Variants in DCC observed in about 807,000 individuals in gnomAD.
The protein encoded by DCC is DCC netrin 1 receptor, also known as netrin receptor DCC.
Under a neutral mutation model 172.5 loss-of-function variants are expected in DCC, and 58 were observed. That is an observed-to-expected ratio of 0.34 (90% confidence interval 0.27 to 0.42). DCC has a LOEUF of 0.42. DCC is among the 10% of genes least tolerant of loss of function. The probability of loss-of-function intolerance (pLI) is 1.00; values close to 1 mark genes in which losing one functional copy is unlikely to be tolerated. For synonymous variants in DCC, 709 were observed against 644.5 expected, an observed-to-expected ratio of 1.10 and a Z score of -1.52; for missense variants, 1,740 against 1,791.0, an observed-to-expected ratio of 0.97 and a Z score of 0.51.
chr18:53,305,563 C>T lies in DCC; in HGVS notation c.1912-15C>T, dbSNP rs1431195. 152,318 of 1,598,380 alleles carry T rather than the reference C, an allele frequency of 0.095. 9,297 individuals are homozygous for T. The highest frequency in any genetic ancestry group is 0.28 in the African/African-American group (21,192 of 74,408). On this transcript the variant is annotated splice_polypyrimidine_tract_variant and intron_variant, in intron 12 of 28. Transcript: ENST00000442544. ...TCTTTCTTCAATGTTTTAATTTACA[C>T]CTATTATTTTACAGAGTATCAAAGT...
intron 7 of DCC, among the ~76,000 whole-genome samples, chr18:53,077,466 G>A (rs896590263): frequency 6.6e-6 from 1 of 152,046 alleles, no homozygotes; most frequent in Non-Finnish European, 1.5e-5. Context: ...GGAGGTCTGG[G>A]CCCCTCCTGT....
At chr18:53,431,398 G>C (rs547092483) in intron 21 of DCC, among the ~76,000 whole-genome samples, 7 of 151,218 alleles carry the variant, frequency 4.6e-5, no homozygotes, top group Non-Finnish European at 1.0e-4. Context: ...GAGAAAATAT[G>C]GGTACATAGT....
At chr18:52,979,980 T>C (rs1177634091) in intron 5 of DCC, among the ~76,000 whole-genome samples, 1 of 152,174 alleles carries the variant, frequency 6.6e-6, no homozygotes, top group Non-Finnish European at 1.5e-5. Flanking sequence ...GGAGAGGGGA[T>C]GTGAGTTCTA....
At chr18:53,215,726 C>A in intron 12 of DCC, 129 bp downstream of exon 12, 1 of 787,348 alleles carries the variant, frequency 1.3e-6, no homozygotes, top group Non-Finnish European at 2.3e-6. Flanking sequence ...TCTGGAACAA[C>A]ACAGCAAGTG....
chr18:53,091,863 A>ATCAATCTATC (rs1568299413), intron 7 of DCC, among the ~76,000 whole-genome samples: 56 of 113,922 alleles, frequency 4.9e-4, no homozygotes, highest in African/African-American at 1.1e-3. Flanking sequence ...ATCTATCTAT[A>ATCAATCTATC]TATATATATA....
intron 5 of DCC, among the ~76,000 whole-genome samples, chr18:52,974,671 G>A (rs4939714): frequency 0.77 from 117,196 of 152,104 alleles, 45,718 homozygotes; most frequent in African/African-American, 0.89. Flanking sequence ...AAATGATCCA[G>A]TATGTTACCC....
In DCC at chr18:53,402,841, T is replaced by G. The variant is rs1175998230; in HGVS notation, c.2883T>G (p.Arg961=). The part of the protein sequence containing the change: ...LTVITREGKP[R]AVIVSWQPPL... ...TCATTACTAGGGAAGGGAAGCCTCG[T>G]GCCGTCATTGTGAGTTGGCAGCCTC... is the stretch of plus-strand genomic sequence containing the variant. Residue 961 remains arginine (R), a synonymous_variant, in exon 19 of 29, where the codon CGT becomes CGG. Transcript: ENST00000442544. 1 of 1,614,134 alleles carries G rather than the reference T, an allele frequency of 6.2e-7. No individual in the cohort carries two copies. Among genetic ancestry groups the G allele is most frequent in the South Asian group, 1.1e-5 (1 of 91,084 alleles).
chr18:52,920,036 AAG>A (rs1491130907), intron 3 of DCC, among the ~76,000 whole-genome samples: 9 of 151,624 alleles, frequency 5.9e-5, no homozygotes, highest in East Asian at 1.9e-4. Context: ...AAAAAAAAAA[AAG>A]AATCCAGACA....
At chr18:52,556,170 G>A (rs928719976) in intron 1 of DCC, among the ~76,000 whole-genome samples, 17 of 152,066 alleles carry the variant, frequency 1.1e-4, no homozygotes, top group Admixed American at 5.2e-4. Flanking sequence ...CATAGAAATC[G>A]CTACCTTGGC....
intron 8 of DCC, among the ~76,000 whole-genome samples, chr18:53,172,898 C>A (rs2055034620): frequency 1.3e-5 from 2 of 152,088 alleles, no homozygotes; most frequent in Non-Finnish European, 2.9e-5. Flanking sequence ...TACCCACTAA[C>A]TGTGAAGCCT....
intron 2 of DCC, among the ~76,000 whole-genome samples, chr18:52,877,760 G>A (rs980124492): frequency 6.6e-6 from 1 of 151,790 alleles, no homozygotes; most frequent in Non-Finnish European, 1.5e-5. Context: ...AAATATGATA[G>A]GAGAGATGTA....
At chr18:53,526,570 G>A in intron 27 of DCC, 47 bp from the exon 28 acceptor site, 2 of 1,594,336 alleles carry the variant, frequency 1.3e-6, no homozygotes, top group South Asian at 1.1e-5. Flanking sequence ...AAAGTGTTCT[G>A]CAGAATGTTT....
intron 27 of DCC, among the ~76,000 whole-genome samples, chr18:53,508,038 G>A (rs1415627697): frequency 2.0e-5 from 3 of 151,404 alleles, no homozygotes; most frequent in African/African-American, 4.9e-5. Flanking sequence ...GACTACAGGT[G>A]CCTGCCACCA....
intron 1 of DCC, among the ~76,000 whole-genome samples, chr18:52,742,277 C>A (rs1417550319): frequency 6.6e-6 from 1 of 152,104 alleles, no homozygotes; most frequent in African/African-American, 2.4e-5. Flanking sequence ...CAAGTCTTGC[C>A]CTCCTCAATG....
intron 22 of DCC, among the ~76,000 whole-genome samples, chr18:53,438,765 G>C (rs1018503681): frequency 6.6e-6 from 1 of 152,178 alleles, no homozygotes; most frequent in African/African-American, 2.4e-5. Flanking sequence ...GATGTTAGAA[G>C]AAGAGAAAGA....
intron 1 of DCC, among the ~76,000 whole-genome samples, chr18:52,465,068 G>C (rs562888960): frequency 2.6e-5 from 4 of 152,236 alleles, no homozygotes; most frequent in East Asian, 3.9e-4. Flanking sequence ...CTAGGACATA[G>C]AGATGTTCTG....
chr18:52,655,932 G>A (rs78245895), intron 1 of DCC, among the ~76,000 whole-genome samples: 20,643 of 149,570 alleles, frequency 0.14, 1,537 homozygotes, highest in Admixed American at 0.2. Context: ...ACATCCCCCC[G>A]CCTGCCCTCT....
chr18:52,491,914 G>A (rs1376355290), intron 1 of DCC, among the ~76,000 whole-genome samples: 2 of 151,958 alleles, frequency 1.3e-5, no homozygotes, highest in African/African-American at 4.8e-5. Context: ...GCGCAGAGGA[G>A]TGGTCTTCTA....
At chr18:52,576,503 G>A (rs2144768268) in intron 1 of DCC, among the ~76,000 whole-genome samples, 1 of 152,244 alleles carries the variant, frequency 6.6e-6, no homozygotes. Flanking sequence ...CCAACCTCAT[G>A]TTTTACTACC....
Sources: gnomAD v4.1 joint callset for allele counts (sites outside exome capture counted in the v4.1 genomes callset) on GRCh38, gnomAD v4.1.1 for gene constraint, MANE v1.5 for transcripts, NCBI Gene and HGNC (gene_info 2026-07-23, HGNC 2026-07-21) for gene names.